ARHGAP29: variants seen among roughly 807,000 people sequenced by gnomAD.
ARHGAP29 encodes rho GTPase-activating protein 29.
A neutral mutation model predicts 122.6 loss-of-function variants in ARHGAP29; 43 were observed. The ratio of observed to expected loss-of-function variants is 0.35; its 90% confidence interval spans 0.27 to 0.45. ARHGAP29 has a LOEUF of 0.45. ARHGAP29 is among the 20% of genes least tolerant of loss of function. The pLI, the probability that ARHGAP29 is intolerant of heterozygous loss-of-function variation, is 1.00. For missense variants in ARHGAP29, 1,303 were observed against 1,477.2 expected, an observed-to-expected ratio of 0.88 and a Z score of 1.93; for synonymous variants, 506 against 497.1, an observed-to-expected ratio of 1.02 and a Z score of -0.24.
chr1:94,267,624 T>C (rs972266628), intron 1 of ARHGAP29, among the ~76,000 whole-genome samples: 2 of 151,620 alleles, frequency 1.3e-5, no homozygotes, highest in South Asian at 2.1e-4. Context: ...TAATAAAACA[T>C]TGTGGAAAGA....
At chr1:94,263,604 C>T (rs774948567) in intron 1 of ARHGAP29, among the ~76,000 whole-genome samples, 11 of 152,034 alleles carry the variant, frequency 7.2e-5, no homozygotes, top group Non-Finnish European at 1.3e-4. Flanking sequence ...ATATTTTCTG[C>T]TTATAATAAT....
At chr1:94,312,455 A>G in the ARHGAP29 span, among the ~76,000 whole-genome samples, 1 of 145,100 alleles carries the variant, frequency 6.9e-6, no homozygotes, top group Non-Finnish European at 1.5e-5. Flanking sequence ...TTTTGAAGAC[A>G]GAGTCTCACT....
At chr1:94,265,436 A>G (rs1202221524) in intron 1 of ARHGAP29, among the ~76,000 whole-genome samples, 2 of 152,220 alleles carry the variant, frequency 1.3e-5, no homozygotes, top group African/African-American at 4.8e-5. Flanking sequence ...TCTACTGAGA[A>G]TGTGGGGCCT....
chr1:94,306,910 G>C, the ARHGAP29 span, among the ~76,000 whole-genome samples: 3 of 152,090 alleles, frequency 2.0e-5, no homozygotes, highest in African/African-American at 7.2e-5. Flanking sequence ...ACAATATGAA[G>C]TTCAGTTGTA....
chr1:94,307,846 G>A, the ARHGAP29 span, among the ~76,000 whole-genome samples: 1 of 152,082 alleles, frequency 6.6e-6, no homozygotes, highest in Non-Finnish European at 1.5e-5. Context: ...ATATAAGAGG[G>A]TAGTTATAAT....
At chr1:94,238,473 G>A (rs547686018), upstream of ARHGAP29, among the ~76,000 whole-genome samples, 1 of 152,248 alleles carries the variant, frequency 6.6e-6, no homozygotes, top group Non-Finnish European at 1.5e-5. Context: ...AAAGCACATA[G>A]TCCCTATATC....
intron 3 of ARHGAP29, among the ~76,000 whole-genome samples, chr1:94,219,762 A>G (rs1370928071): frequency 6.6e-6 from 1 of 152,172 alleles, no homozygotes; most frequent in Non-Finnish European, 1.5e-5. Flanking sequence ...TTTAGCACAT[A>G]TATGCTATAG....
Position 94,169,190 on chromosome 1 carries a change from C to G in ARHGAP29, c.*4679G>C, listed in dbSNP as rs1648560617. ...ATTCAGTGAGTATTCAATAATTGCT[C>G]ATTATCAAAAGGTTGTGAATTTGTC... On this transcript the variant is annotated 3_prime_UTR_variant, in exon 23 of 23. Transcript: ENST00000260526. Among the ~76,000 whole-genome samples, 2 of 152,114 alleles carry G rather than the reference C, an allele frequency of 1.3e-5. No individual in the cohort carries two copies. The highest frequency in any genetic ancestry group is 4.8e-5 in the African/African-American group (2 of 41,414).
chr1:94,240,716 CAGAAATTCACATCCTCTAT>C, upstream of ARHGAP29, among the ~76,000 whole-genome samples: 1 of 152,148 alleles, frequency 6.6e-6, no homozygotes, highest in East Asian at 1.9e-4. Flanking sequence ...CCTTCTCAAA[CAGAAATTCACATCCTCTAT>C]GACACTGTTC....
chr1:94,307,502 T>C, the ARHGAP29 span, among the ~76,000 whole-genome samples: 1 of 152,090 alleles, frequency 6.6e-6, no homozygotes, highest in South Asian at 2.1e-4. Flanking sequence ...ATCAATAAAA[T>C]GAGAAAAACA....
At position 94,247,703 on chromosome 1, in the gene ARHGAP29, A is replaced by ACACCACCACCAC. The variant is rs568949677; in HGVS notation, c.-32-16072_-32-16061dup. Among the ~76,000 whole-genome samples the ACACCACCACCAC allele has an allele frequency of 4.5e-3, 682 of 151,028 alleles. 3 individuals are homozygous for ACACCACCACCAC. The highest frequency in any genetic ancestry group is 0.015 in the African/African-American group (631 of 41,162). On this transcript the variant is annotated intron_variant and NMD_transcript_variant, in intron 1 of 25. Transcript: ENST00000552844. ...GGCCAAGTGGCAGCCGCAGCCACAG[A>ACACCACCACCAC]CACCACCACCACCACCACCACAGCG...
Position 94,202,575 on chromosome 1 carries a change from T to A in ARHGAP29, c.1112A>T (p.Lys371Met), listed in dbSNP as rs758741258. 4.3e-6 allele frequency: 7 copies of A among 1,614,108 alleles called. No individual in the cohort carries two copies. The highest frequency in any genetic ancestry group is 5.9e-6 in the Non-Finnish European group (7 of 1,180,028). The change falls in exon 11 of 23, where the codon AAG (lysine) becomes ATG (methionine). Residue 371 changes from lysine (K) to methionine (M), a missense_variant. By Grantham distance (95) the Lys-to-Met change is moderately conservative. Around this residue, in one of 3 missense-constraint regions of ARHGAP29, gnomAD observed 592 missense variants for 648.2 expected, o/e 0.91. Coordinates refer to ENST00000260526, the MANE Select transcript of ARHGAP29 (RefSeq NM_004815.4). Reference sequence around the variant, plus strand: ...GAGAGCCTCCTCTTCCAACCTTCGCTTTTTTTCTAGTTGCTTGTTGAGATT... The same window carrying A: ...GAGAGCCTCCTCTTCCAACCTTCGCATTTTTTCTAGTTGCTTGTTGAGATT... Reference protein sequence around the residue: ...AKNLNKQLEKKRRLEEEALQK... With the variant: ...AKNLNKQLEKMRRLEEEALQK...
the ARHGAP29 span, among the ~76,000 whole-genome samples, chr1:94,305,335 A>G: frequency 2.6e-5 from 4 of 152,188 alleles, no homozygotes; most frequent in African/African-American, 4.8e-5. Flanking sequence ...CTGACTGGTC[A>G]GTTTCTGTTC....
Position 94,222,458 on chromosome 1 carries a change from C to T in ARHGAP29, c.206-2066G>A, listed in dbSNP as rs544059997. Among the ~76,000 whole-genome samples the T allele has an allele frequency of 5.9e-5, 9 of 152,302 alleles. No homozygotes were observed. The South Asian group carries it at 1.9e-3, about 32-fold the overall frequency. The stretch of plus-strand genomic sequence containing the variant: ...TTGCTATAAAGTGATGAAAACAACA[C>T]TTTACATCTGTAATCTTCCTCCCAA... On this transcript the variant is annotated intron_variant, in intron 2 of 22. Coordinates refer to ENST00000260526, the MANE Select transcript of ARHGAP29 (RefSeq NM_004815.4).
At chr1:94,290,751 C>G in the ARHGAP29 span, among the ~76,000 whole-genome samples, 1 of 152,166 alleles carries the variant, frequency 6.6e-6, no homozygotes, top group African/African-American at 2.4e-5. Flanking sequence ...GTTTCTTAAA[C>G]CTGAGTTCTA....
rs1456539402 is a variant in ARHGAP29, at chr1:94,189,810, A to T, written c.1439+116T>A. On this transcript the variant is annotated intron_variant, in intron 13 of 22. Coordinates refer to ENST00000260526, the MANE Select transcript of ARHGAP29 (RefSeq NM_004815.4). ...GATACCATAAAATAATATTTAAAGA[A>T]CTCAGAAAATTTTTAATTTTGTCAG... is the stretch of plus-strand genomic sequence containing the variant. 7.4e-6 allele frequency: 7 copies of T among 945,682 alleles called. No individual in the cohort carries two copies. In the East Asian group the frequency reaches 1.6e-4, roughly 21 times the overall value. The allele number at this position is 945,682 out of a possible 1,614,324, so 58.6% of individuals were successfully genotyped here.
At position 94,200,392 on chromosome 1, in the gene ARHGAP29, G is replaced by A. The variant is rs150936298; in HGVS notation, c.1281+1328C>T. On this transcript the variant is annotated intron_variant, in intron 12 of 22. Coordinates refer to ENST00000260526, the MANE Select transcript of ARHGAP29 (RefSeq NM_004815.4). ...GGAACAGCTAACATTTAAAAACAAC[G>A]ACTGATACATGTCAAGGACACAGAA... Among the ~76,000 whole-genome samples the A allele has an allele frequency of 5.6e-3, 857 of 152,204 alleles. 7 individuals carry two copies. The highest frequency in any genetic ancestry group is 0.02 in the African/African-American group (829 of 41,542).
chr1:94,187,449 A>G (rs1040300939), intron 15 of ARHGAP29, among the ~76,000 whole-genome samples: 3 of 152,200 alleles, frequency 2.0e-5, no homozygotes, highest in Non-Finnish European at 4.4e-5. Flanking sequence ...GTATTACTCC[A>G]TTTTATAACT....
the ARHGAP29 span, among the ~76,000 whole-genome samples, chr1:94,287,648 C>CT: frequency 6.6e-6 from 1 of 152,038 alleles, no homozygotes; most frequent in Non-Finnish European, 1.5e-5. Flanking sequence ...TGCTATCCCC[C>CT]CCAGCTCCCC....
Sources: gnomAD v4.1 joint callset for allele counts (sites outside exome capture counted in the v4.1 genomes callset) on GRCh38, gnomAD v4.1.1 for gene constraint, gnomAD v4.1.1 regional missense constraint, MANE v1.5 for transcripts, NCBI Gene and HGNC (gene_info 2026-07-23, HGNC 2026-07-21) for gene names.